TSEN2: variants seen among roughly 807,000 people sequenced by gnomAD.
TSEN2 encodes the protein tRNA-splicing endonuclease subunit Sen2.
A neutral mutation model predicts 59.2 loss-of-function variants in TSEN2; 54 were observed. The observed-to-expected ratio is 0.91, with a 90% CI of 0.73 to 1.14. TSEN2 has a LOEUF of 1.14. TSEN2 is among the 50% of genes most tolerant of loss of function. The pLI is 0.00. For synonymous variants in TSEN2, 195 were observed against 198.2 expected, an observed-to-expected ratio of 0.98 and a Z score of 0.14; for missense variants, 636 against 576.2, an observed-to-expected ratio of 1.10 and a Z score of -1.06.
In TSEN2 at chr3:12,505,164, G is replaced by A. The variant is rs371912961; in HGVS notation, c.842G>A (p.Arg281Lys). The change falls in exon 6 of 12, where the codon AGA (arginine) becomes AAA (lysine). Residue 281 changes from arginine (R) to lysine (K), a missense_variant. Arg to Lys is a conservative substitution (Grantham distance 26). Coordinates refer to ENST00000284995, the MANE Select transcript of TSEN2 (RefSeq NM_025265.4). ...EAAPNEELVQRNRLICRRNPY... is the reference protein window; with the variant it reads ...EAAPNEELVQKNRLICRRNPY... ...TTTCTTTCTCTTTAGTTGGTGCAAA[G>A]AAACAGGTTAATATGCAGAAGAAAT... 3.1e-6 allele frequency: 5 copies of A among 1,605,780 alleles called. No homozygotes were observed. The African/African-American group carries it at 6.7e-5, about 21-fold the overall frequency.
At chr3:12,510,239 G>A (rs1056196418) in intron 6 of TSEN2, among the ~76,000 whole-genome samples, 11 of 152,128 alleles carry the variant, frequency 7.2e-5, no homozygotes, top group Non-Finnish European at 1.5e-4. Flanking sequence ...TGCGCAGTGC[G>A]AAGACCTTGC....
chr3:12,516,374 G>A (rs539407408), intron 6 of TSEN2, among the ~76,000 whole-genome samples: 3 of 152,152 alleles, frequency 2.0e-5, no homozygotes, highest in Non-Finnish European at 2.9e-5. Context: ...TGCAGTGAGC[G>A]GAGATGTGCC....
chr3:12,528,865 T>C, intron 8 of TSEN2, 23 bp from the exon 9 acceptor site: 1 of 1,612,408 alleles, frequency 6.2e-7, no homozygotes, highest in Non-Finnish European at 8.5e-7. Context: ...GTTATACTTC[T>C]TTTTTTTCTT....
At chr3:12,516,731 C>A in intron 7 of TSEN2, 70 bp downstream of exon 7, 1 of 1,352,868 alleles carries the variant, frequency 7.4e-7, no homozygotes, top group Non-Finnish European at 1.1e-6. Flanking sequence ...GTACTAATTT[C>A]TATATTGCAT....
At chr3:12,533,984 T>C (rs1193248301), downstream of TSEN2, among the ~76,000 whole-genome samples, 2 of 152,126 alleles carry the variant, frequency 1.3e-5, no homozygotes, top group East Asian at 1.9e-4. Flanking sequence ...AGAGGGGTGT[T>C]TGAAGCTCAG....
upstream of TSEN2, among the ~76,000 whole-genome samples, chr3:12,481,923 G>GTATATATA (rs10557886): frequency 5.0e-4 from 74 of 148,406 alleles, no homozygotes; most frequent in African/African-American, 1.7e-3. Flanking sequence ...GTGTGTCTGC[G>GTATATATA]TATATATATA....
intron 6 of TSEN2, among the ~76,000 whole-genome samples, chr3:12,509,419 C>T (rs2055194787): frequency 6.6e-6 from 1 of 152,106 alleles, no homozygotes; most frequent in Admixed American, 6.6e-5. Flanking sequence ...AGGCTACTCT[C>T]TAACTCCTGG....
chr3:12,528,835 C>G (rs762819438), intron 8 of TSEN2, 53 bp from the exon 9 acceptor site: 1 of 1,594,832 alleles, frequency 6.3e-7, no homozygotes, highest in Non-Finnish European at 8.6e-7. Flanking sequence ...AGTCTTACTC[C>G]TCTCTCATTA....
intron 8 of TSEN2, among the ~76,000 whole-genome samples, chr3:12,521,282 G>A (rs771653710): frequency 1.3e-5 from 2 of 152,202 alleles, no homozygotes; most frequent in Non-Finnish European, 1.5e-5. Context: ...GACAAACAGA[G>A]CTGCCTTCAT....
intron 6 of TSEN2, among the ~76,000 whole-genome samples, chr3:12,515,475 A>T (rs1017372924): frequency 6.6e-6 from 1 of 152,212 alleles, no homozygotes; most frequent in Non-Finnish European, 1.5e-5. Context: ...TTTCACCTTC[A>T]TATTTAAAAA....
intron 4 of TSEN2, among the ~76,000 whole-genome samples, chr3:12,501,311 G>A (rs1347891698): frequency 1.3e-5 from 2 of 152,188 alleles, no homozygotes; most frequent in East Asian, 1.9e-4. Context: ...AATTTGCATT[G>A]CCACACAGTT....
Position 12,519,076 on chromosome 3 carries a change from G to A in TSEN2, c.978G>A (p.Val326=). The change falls in exon 8 of 12, where the codon GTG becomes GTA. Residue 326 remains valine, a synonymous_variant. Coordinates refer to ENST00000284995, the MANE Select transcript of TSEN2 (RefSeq NM_025265.4). ...IYYEKEPLTI[V]KLWKAFTVVQ... The stretch of plus-strand genomic sequence containing the variant: ...AACTTTAGGAGCCTTTAACGATAGT[G>A]AAGCTCTGGAAAGCTTTCACTGTAG... The A allele has an allele frequency of 2.5e-6, 4 of 1,614,176 alleles. No homozygotes were observed. The highest frequency in any genetic ancestry group is 3.4e-6 in the Non-Finnish European group (4 of 1,180,024).
At chr3:12,528,254 T>C (rs1389413451) in intron 8 of TSEN2, among the ~76,000 whole-genome samples, 1 of 152,144 alleles carries the variant, frequency 6.6e-6, no homozygotes, top group Non-Finnish European at 1.5e-5. Context: ...TTTACACCTC[T>C]CAGTATGATT....
chr3:12,531,645 A>C lies in TSEN2; in HGVS notation c.1324A>C (p.Arg442=). The change falls in exon 11 of 12, where the codon AGG becomes CGG. Residue 442 remains arginine, a synonymous_variant. Transcript: ENST00000284995. ...AATGGAGTCACCAGAATGTATGAAAAGGATTAAAGTTCAGGTGGGTAAACT... is the reference window on the plus strand; with the variant it reads ...AATGGAGTCACCAGAATGTATGAAACGGATTAAAGTTCAGGTGGGTAAACT... ...KEMESPECMK[R]IKVQEVILSR... is the part of the protein sequence containing the mutation. 6.2e-7 allele frequency: 1 copy of C among 1,608,618 alleles called. No individual in the cohort carries two copies. Among genetic ancestry groups the C allele is most frequent in the East Asian group, 2.2e-5 (1 of 44,864 alleles).
rs151309881 is a variant in TSEN2 at position 12,530,358 on chromosome 3, C to T, written c.1248+485C>T. 75 of 986,370 alleles carry T rather than the reference C, an allele frequency of 7.6e-5. No homozygotes were observed. In the East Asian group the frequency reaches 3.7e-3, roughly 49 times the overall value. The allele number at this position is 986,370 out of a possible 1,614,324, so 61.1% of individuals were successfully genotyped here. A position where few individuals can be genotyped will look rare whatever the true frequency, so the allele number is the denominator to read the frequency against. The stretch of plus-strand genomic sequence containing the variant: ...GAGGATGAGAAACCAAGGTTGGAGC[C>T]GTTGAGTGGCTAATCCAAGATCACA... On this transcript the variant is annotated intron_variant, in intron 10 of 11. Transcript: ENST00000284995.
At chr3:12,506,460 C>T (rs1023531612) in intron 6 of TSEN2, among the ~76,000 whole-genome samples, 8 of 151,470 alleles carry the variant, frequency 5.3e-5, no homozygotes, top group Middle Eastern at 3.2e-3. Flanking sequence ...CCAGGTGTGG[C>T]GGTGCATGCC....
intron 6 of TSEN2, among the ~76,000 whole-genome samples, chr3:12,510,223 A>G (rs914617102): frequency 2.0e-5 from 3 of 152,162 alleles, no homozygotes; most frequent in Admixed American, 1.3e-4. Flanking sequence ...TCGGAGTCCC[A>G]TCCTGTGCGC....
intron 3 of TSEN2, among the ~76,000 whole-genome samples, chr3:12,492,649 A>G (rs1175123451): frequency 1.3e-5 from 2 of 152,234 alleles, no homozygotes; most frequent in African/African-American, 2.4e-5. Context: ...AGGAATTCTC[A>G]TGGTAATTAC....
chr3:12,539,495 T>C (rs1240171271), exon 11 of TSEN2: 6 of 179,878 alleles, frequency 3.3e-5, no homozygotes, highest in Middle Eastern at 2.7e-3. Flanking sequence ...TCATAACTTG[T>C]GTCTCACCCA....
Sources: allele counts gnomAD v4.1 joint callset (sites outside exome capture counted in the v4.1 genomes callset), GRCh38; gene constraint gnomAD v4.1.1; transcripts MANE v1.5; gene names NCBI Gene and HGNC (gene_info 2026-07-23, HGNC 2026-07-21).